GMEB1: variants seen among roughly 807,000 people sequenced by gnomAD.
GMEB1 encodes glucocorticoid modulatory element binding protein 1.
Under a neutral mutation model 52.4 loss-of-function variants are expected in GMEB1, and 6 were observed. That is an observed-to-expected ratio of 0.11 (90% CI 0.06 to 0.23). The LOEUF is 0.23. Among genes scored for constraint, GMEB1 ranks in the 10% least tolerant of loss-of-function variants. The probability of loss-of-function intolerance (pLI) is 1.00; values close to 1 mark genes in which losing one functional copy is unlikely to be tolerated. For synonymous variants in GMEB1, 255 were observed against 244.9 expected, an observed-to-expected ratio of 1.04 and a Z score of -0.38; for missense variants, 486 against 685.6, an observed-to-expected ratio of 0.71 and a Z score of 3.25.
In GMEB1 at chr1:28,718,442, T is replaced by C. The variant is rs1470293558; in HGVS notation, c.*3669T>C. ...GCCAGACCCCATCTCTATAAAAAAA[T>C]GTAAAAATTAGTCAAGTCTTGTGGC... On this transcript the variant is annotated 3_prime_UTR_variant, in exon 10 of 10. Coordinates refer to ENST00000373816, the MANE Select transcript of GMEB1 (RefSeq NM_001319674.2). 1 of 152,048 alleles carries C rather than the reference T, an allele frequency of 6.6e-6. No homozygotes were observed. Among genetic ancestry groups the C allele is most frequent in the African/African-American group, 2.4e-5 (1 of 41,416 alleles). 9.4% of individuals were successfully genotyped at this position (152,048 alleles called of 1,614,324 possible).
chr1:28,685,978 A>G (rs917034169), intron 2 of GMEB1, among the ~76,000 whole-genome samples: 1 of 152,140 alleles, frequency 6.6e-6, no homozygotes, highest in Admixed American at 6.6e-5. Context: ...AAACAAAAAG[A>G]AATCTTGTTT....
intron 1 of GMEB1, among the ~76,000 whole-genome samples, chr1:28,679,864 C>T (rs926188918): frequency 6.6e-6 from 1 of 150,872 alleles, no homozygotes; most frequent in Non-Finnish European, 1.5e-5. Flanking sequence ...TCCAATGGCA[C>T]GATCTCGGTT....
chr1:28,683,729 T>G lies in GMEB1; in HGVS notation c.117T>G (p.Pro39=). Residue 39 remains proline (P), a synonymous_variant, in exon 2 of 10, where the codon CCT becomes CCG. Coordinates refer to ENST00000373816, the MANE Select transcript of GMEB1 (RefSeq NM_001319674.2). ...CCCAAGTGATTTTGCAGTTACAGCC[T>G]GTGCAACAAGGGTAAGTGGCTAGAG... is the stretch of plus-strand genomic sequence containing the variant. ...TKTQVILQLQ[P]VQQGIYEAGS... is the part of the protein sequence containing the mutation. 1 of 1,612,330 alleles carries G rather than the reference T, an allele frequency of 6.2e-7. No homozygotes were observed. The highest frequency in any genetic ancestry group is 8.5e-7 in the Non-Finnish European group (1 of 1,179,370).
intron 7 of GMEB1, among the ~76,000 whole-genome samples, chr1:28,702,820 G>A (rs1670578354): frequency 6.6e-6 from 1 of 152,098 alleles, no homozygotes; most frequent in African/African-American, 2.4e-5. Flanking sequence ...GGGAGGCCAA[G>A]GCAGGTGGAT....
In GMEB1 at chr1:28,709,402, G is replaced by GT. The variant is rs562011344; in HGVS notation, c.869-1117dup. Among the ~76,000 whole-genome samples the GT allele has an allele frequency of 2.7e-3, 407 of 152,218 alleles. 2 individuals carry two copies. The highest frequency in any genetic ancestry group is 9.5e-3 in the African/African-American group (395 of 41,520). On this transcript the variant is annotated intron_variant, in intron 8 of 9. Transcript: ENST00000373816. ...CTAATCTTCATGTCTATTTTGCAGA[G>GT]TAAGTGTTATTAATCCCATTCATTT...
At chr1:28,697,179 A>ATG (rs1670253641) in intron 6 of GMEB1, 95 bp downstream of exon 6, 2 of 175,386 alleles carry the variant, frequency 1.1e-5, no homozygotes, top group African/African-American at 5.8e-5. Flanking sequence ...ATATATATAT[A>ATG]TATATATATA....
chr1:28,700,117 C>T (rs1280481621), intron 6 of GMEB1, among the ~76,000 whole-genome samples: 4 of 150,760 alleles, frequency 2.7e-5, no homozygotes, highest in Non-Finnish European at 4.4e-5. Context: ...CGCCTATAAT[C>T]GCAGCACTTT....
At chr1:28,713,958 G>A in intron 9 of GMEB1, 115 bp from the exon 10 acceptor site, 1 of 737,370 alleles carries the variant, frequency 1.4e-6, no homozygotes, top group Non-Finnish European at 2.3e-6. Flanking sequence ...GTCACAACTT[G>A]CCTGAAGCTA....
intron 8 of GMEB1, among the ~76,000 whole-genome samples, chr1:28,709,026 G>C (rs1206167851): frequency 1.3e-5 from 2 of 151,430 alleles, no homozygotes; most frequent in Admixed American, 1.3e-4. Context: ...CCCAGCTACT[G>C]AGGAGGCTGA....
chr1:28,692,223 A>G (rs922004848), intron 4 of GMEB1, among the ~76,000 whole-genome samples: 1 of 147,770 alleles, frequency 6.8e-6, no homozygotes, highest in Non-Finnish European at 1.5e-5. Flanking sequence ...TAGGCTGGAA[A>G]ACCTTGCATC....
chr1:28,672,358 T>A (rs1668931835), intron 1 of GMEB1, among the ~76,000 whole-genome samples: 1 of 150,146 alleles, frequency 6.7e-6, no homozygotes, highest in Admixed American at 6.6e-5. Context: ...TAGCTGGGAC[T>A]ACTCTCCCGC....
chr1:28,710,999 C>T (rs1240470265), intron 9 of GMEB1, among the ~76,000 whole-genome samples: 1 of 152,086 alleles, frequency 6.6e-6, no homozygotes, highest in East Asian at 1.9e-4. Flanking sequence ...TTAGCACTTT[C>T]TCCATTATTT....
chr1:28,704,057 T>C lies in GMEB1; in HGVS notation c.731-135T>C, dbSNP rs142889397. 1.7e-5 allele frequency: 14 copies of C among 801,614 alleles called. No homozygotes were observed. In the Admixed American group the frequency reaches 4.3e-4, roughly 25 times the overall value. The allele number at this position is 801,614 out of a possible 1,614,324, so 49.7% of individuals were successfully genotyped here. A position where few individuals can be genotyped will look rare whatever the true frequency, so the allele number is the denominator to read the frequency against. On this transcript the variant is annotated intron_variant, in intron 7 of 9. Transcript: ENST00000373816. ...GAAGCATCTAGTATTCCAAAGCTTATTCCCTTTTTTCAGGAATGGCCCAAT... is the reference window on the plus strand; with the variant it reads ...GAAGCATCTAGTATTCCAAAGCTTACTCCCTTTTTTCAGGAATGGCCCAAT...
chr1:28,697,554 G>C (rs959606760), intron 6 of GMEB1, among the ~76,000 whole-genome samples: 9 of 152,114 alleles, frequency 5.9e-5, no homozygotes, highest in Admixed American at 3.3e-4. Flanking sequence ...GATGTGCCTT[G>C]TTGTAAAGTA....
chr1:28,692,984 G>T lies in GMEB1; in HGVS notation c.379G>T (p.Ala127Ser). Residue 127 changes from alanine to serine, a missense_variant, in exon 5 of 10, where the codon GCT becomes TCT. Ala to Ser is a moderately conservative substitution (Grantham distance 99, BLOSUM62 1). This residue lies in a region of GMEB1 where 43 missense variants were observed against 117.5 expected (regional missense o/e 0.37). Transcript: ENST00000373816. ...LISPKHFVHL[A>S]GKSTLKDWKR... ...CAGCCCCAAGCACTTTGTTCATCTG[G>T]CTGGCAAGTCCACTCTGAAGGACTG... The T allele has an allele frequency of 6.2e-7, 1 of 1,608,006 alleles. No individual in the cohort carries two copies. Among genetic ancestry groups the T allele is most frequent in the South Asian group, 1.1e-5 (1 of 90,288 alleles).
At chr1:28,680,861 T>C in intron 1 of GMEB1, among the ~76,000 whole-genome samples, 1 of 151,864 alleles carries the variant, frequency 6.6e-6, no homozygotes. Flanking sequence ...CTGACCAACA[T>C]GGAGAAACCC....
intron 7 of GMEB1, among the ~76,000 whole-genome samples, chr1:28,703,654 CTG>C (rs1396889573): frequency 6.6e-6 from 1 of 151,772 alleles, no homozygotes; most frequent in East Asian, 1.9e-4. Context: ...GAACGAAACT[CTG>C]TTCTCAGAAA....
rs1670033796 is a variant in GMEB1 at position 28,692,952 on chromosome 1, A to T, written c.347A>T (p.Gln116Leu). The change falls in exon 5 of 10, where the codon CAG becomes CTG. Residue 116 changes from glutamine (Q) to leucine (L), a missense_variant. Coordinates refer to ENST00000373816, the MANE Select transcript of GMEB1 (RefSeq NM_001319674.2). The stretch of plus-strand genomic sequence containing the variant: ...TCTTTTTACTTTTAGTTCAATGATC[A>T]GTTGATCAGCCCCAAGCACTTTGTT... ...INVKCVKFND[Q>L]LISPKHFVHL... is the part of the protein sequence containing the mutation. 3 of 1,588,822 alleles carry T rather than the reference A, an allele frequency of 1.9e-6. No homozygotes were observed. Among genetic ancestry groups the T allele is most frequent in the Non-Finnish European group, 2.6e-6 (3 of 1,164,528 alleles).
chr1:28,686,617 A>G (rs1378504592), intron 2 of GMEB1, among the ~76,000 whole-genome samples: 2 of 132,912 alleles, frequency 1.5e-5, no homozygotes, highest in Non-Finnish European at 3.1e-5. Context: ...TGACAGAGTG[A>G]GATTCTGTCT....
Sources: gnomAD v4.1 joint callset for allele counts (sites outside exome capture counted in the v4.1 genomes callset) on GRCh38, gnomAD v4.1.1 for gene constraint, gnomAD v4.1.1 regional missense constraint, MANE v1.5 for transcripts, NCBI Gene and HGNC (gene_info 2026-07-23, HGNC 2026-07-21) for gene names.